Variants in EXOC6 observed in about 807,000 individuals in gnomAD.
The protein encoded by EXOC6 is exocyst complex component 6, also known as SEC15-like 1.
In EXOC6, 60 loss-of-function variants were observed where a neutral mutation model predicts 112.5. That is an observed-to-expected ratio of 0.53 (90% confidence interval 0.43 to 0.66). The LOEUF (loss-of-function observed/expected upper bound fraction) is 0.66, where lower values mean the gene tolerates loss of function less well. Ranked by LOEUF, EXOC6 falls within the 30% of genes least tolerant of loss-of-function variation. The probability of loss-of-function intolerance (pLI) is 0.00; values close to 1 mark genes in which losing one functional copy is unlikely to be tolerated. For missense variants in EXOC6, 855 were observed against 957.1 expected, an observed-to-expected ratio of 0.89 and a Z score of 1.41; for synonymous variants, 295 against 308.0, an observed-to-expected ratio of 0.96 and a Z score of 0.44.
At chr10:92,848,969 C>G (rs1847187517) in intron 1 of EXOC6, among the ~76,000 whole-genome samples, 1 of 152,172 alleles carries the variant, frequency 6.6e-6, no homozygotes, top group Non-Finnish European at 1.5e-5. Flanking sequence ...GAGGACACTT[C>G]TGGGGCCTGC....
chr10:92,868,799 TCCTC>T (rs1433984847), intron 1 of EXOC6, among the ~76,000 whole-genome samples: 4 of 151,000 alleles, frequency 2.6e-5, no homozygotes, highest in African/African-American at 7.3e-5. Flanking sequence ...CTCCCTTCTT[TCCTC>T]CCTCCCTCCC....
intron 1 of EXOC6, among the ~76,000 whole-genome samples, chr10:92,860,024 C>T (rs762863763): frequency 2.0e-4 from 31 of 151,850 alleles, no homozygotes; most frequent in East Asian, 1.4e-3. Context: ...CACATTGTGC[C>T]GAAAATGTCA....
rs72368133 is a variant in EXOC6 at position 92,911,938 on chromosome 10, CGTGTGTGTGTGTGTGTGT to C, written c.663+2326_663+2343del. Reference sequence around the variant, plus strand: ...CTCTCTCTCTCTCTCTCTCTGTGTGCGTGTGTGTGTGTGTGTGTGTGTGTGTGTGTGTGTGTTTGTGTA... The same window carrying C: ...CTCTCTCTCTCTCTCTCTCTGTGTGCGTGTGTGTGTGTGTGTGTTTGTGTA... On this transcript the variant is annotated intron_variant, in intron 6 of 21. Transcript: ENST00000260762. Among the ~76,000 whole-genome samples the C allele has an allele frequency of 2.2e-5, 3 of 136,226 alleles. No individual in the cohort carries two copies. In the East Asian group the frequency reaches 6.4e-4, roughly 29 times the overall value. 89.4% of individuals were successfully genotyped at this position (136,226 alleles called of 152,430 possible).
intron 20 of EXOC6, among the ~76,000 whole-genome samples, chr10:93,042,693 A>T (rs1362055786): frequency 6.6e-6 from 1 of 152,198 alleles, no homozygotes; most frequent in Non-Finnish European, 1.5e-5. Flanking sequence ...TGTATTGTTT[A>T]TAAGTCACTC....
intron 14 of EXOC6, among the ~76,000 whole-genome samples, chr10:92,948,920 T>C (rs925474828): frequency 6.6e-6 from 1 of 152,204 alleles, no homozygotes; most frequent in East Asian, 1.9e-4. Context: ...ATATTTATGT[T>C]TGGAGTCAAG....
At chr10:92,971,278 C>T (rs376535291) in intron 17 of EXOC6, among the ~76,000 whole-genome samples, 6 of 152,120 alleles carry the variant, frequency 3.9e-5, no homozygotes, top group African/African-American at 1.4e-4. Flanking sequence ...TCTCCTGACC[C>T]CGTGATTCAC....
intron 17 of EXOC6, among the ~76,000 whole-genome samples, chr10:92,972,297 A>T (rs764321834): frequency 6.6e-6 from 1 of 152,200 alleles, no homozygotes; most frequent in Non-Finnish European, 1.5e-5. Context: ...CGTGAGAAGG[A>T]ATTCAAGGAT....
At chr10:93,002,693 A>G (rs1354458454) in intron 19 of EXOC6, among the ~76,000 whole-genome samples, 1 of 152,168 alleles carries the variant, frequency 6.6e-6, no homozygotes, top group East Asian at 1.9e-4. Flanking sequence ...TCTAACTCAC[A>G]GTTTGGCATC....
intron 17 of EXOC6, among the ~76,000 whole-genome samples, chr10:92,965,864 C>G (rs1050170335): frequency 1.3e-5 from 2 of 152,072 alleles, no homozygotes; most frequent in Admixed American, 6.6e-5. Context: ...AATTCTTAGT[C>G]CTTAGAAAAG....
intron 8 of EXOC6, among the ~76,000 whole-genome samples, chr10:92,921,468 G>A (rs35566928): frequency 1.1e-4 from 16 of 151,648 alleles, no homozygotes; most frequent in Middle Eastern, 3.4e-3. Context: ...GGCTGATCTC[G>A]AACTCCTGAC....
At chr10:92,968,667 C>T (rs1229168064) in intron 17 of EXOC6, among the ~76,000 whole-genome samples, 4 of 152,090 alleles carry the variant, frequency 2.6e-5, no homozygotes, top group African/African-American at 9.7e-5. Flanking sequence ...GGTAAAAAAA[C>T]ATAAGTAAGT....
intron 18 of EXOC6, among the ~76,000 whole-genome samples, chr10:92,994,046 ACTGGT>A (rs1260016424): frequency 6.6e-6 from 1 of 152,212 alleles, no homozygotes; most frequent in African/African-American, 2.4e-5. Flanking sequence ...TAATTGTGTT[ACTGGT>A]CTCAGTCTGA....
At chr10:93,027,359 T>C (rs934248240) in intron 20 of EXOC6, among the ~76,000 whole-genome samples, 2 of 152,190 alleles carry the variant, frequency 1.3e-5, no homozygotes, top group Non-Finnish European at 2.9e-5. Context: ...AGCAAGTAAT[T>C]TATCCAGAAG....
At chr10:93,003,817 G>C (rs898719665) in intron 19 of EXOC6, among the ~76,000 whole-genome samples, 1 of 152,038 alleles carries the variant, frequency 6.6e-6, no homozygotes, top group African/African-American at 2.4e-5. Flanking sequence ...AATTTGAGCT[G>C]GGTAAAAAGT....
intron 13 of EXOC6, among the ~76,000 whole-genome samples, chr10:92,944,224 C>CT (rs34140811): frequency 1.7e-4 from 25 of 150,526 alleles, no homozygotes; most frequent in East Asian, 5.9e-4. Context: ...AGATACCGAT[C>CT]TTTTTTTTTT....
At chr10:92,870,433 G>T (rs552864041) in intron 1 of EXOC6, among the ~76,000 whole-genome samples, 1 of 152,184 alleles carries the variant, frequency 6.6e-6, no homozygotes, top group South Asian at 2.1e-4. Context: ...TTTATTAATG[G>T]ATTTCCTATT....
At chr10:92,827,549 T>C (rs1177187850) in intron 1 of EXOC6, among the ~76,000 whole-genome samples, 2 of 139,330 alleles carry the variant, frequency 1.4e-5, no homozygotes, top group African/African-American at 5.2e-5. Flanking sequence ...AAAATACCTG[T>C]GTACACCCTG....
At chr10:92,967,939 G>A (rs184033641) in intron 17 of EXOC6, among the ~76,000 whole-genome samples, 1 of 152,248 alleles carries the variant, frequency 6.6e-6, no homozygotes, top group Non-Finnish European at 1.5e-5. Flanking sequence ...CATGAATGAG[G>A]GAACTGATTA....
At chr10:92,858,775 G>A (rs932919562) in intron 1 of EXOC6, among the ~76,000 whole-genome samples, 7 of 151,598 alleles carry the variant, frequency 4.6e-5, no homozygotes, top group Non-Finnish European at 8.8e-5. Context: ...TCTTTCTTTC[G>A]TTTTTTTTGA....
Sources: gnomAD v4.1 joint callset for allele counts (sites outside exome capture counted in the v4.1 genomes callset) on GRCh38, gnomAD v4.1.1 for gene constraint, MANE v1.5 for transcripts, NCBI Gene and HGNC (gene_info 2026-07-23, HGNC 2026-07-21) for gene names.